The following KDM2B variants were observed in gnomAD, a reference collection of about 807,000 sequenced individuals.
The protein encoded by KDM2B is lysine-specific demethylase 2B.
Under a neutral mutation model 150.0 loss-of-function variants are expected in KDM2B, and 26 were observed. The ratio of observed to expected loss-of-function variants is 0.17; its 90% CI spans 0.13 to 0.24. KDM2B has a LOEUF of 0.24. KDM2B is among the 10% of genes least tolerant of loss of function. KDM2B has a pLI of 1.00. For missense variants in KDM2B, 1,265 were observed against 1,816.9 expected (o/e 0.70, Z 5.52); for synonymous variants, 734 against 729.5 (o/e 1.01, Z -0.10).
intron 6 of KDM2B, among the ~76,000 whole-genome samples, chr12:121,547,609 G>T (rs1179133011): frequency 2.0e-5 from 3 of 151,556 alleles, no homozygotes; most frequent in African/African-American, 7.3e-5. Context: ...CAGAGCAATG[G>T]CCCTGCCTGG....
At chr12:121,540,459 A>C (rs1888518638) in intron 6 of KDM2B, among the ~76,000 whole-genome samples, 1 of 152,106 alleles carries the variant, frequency 6.6e-6, no homozygotes, top group Non-Finnish European at 1.5e-5. Context: ...TGAAAAGTAG[A>C]GGATGAGGGC....
intron 12 of KDM2B, among the ~76,000 whole-genome samples, chr12:121,487,271 T>G (rs1032578178): frequency 1.4e-4 from 21 of 152,212 alleles, no homozygotes; most frequent in African/African-American, 4.8e-4. Flanking sequence ...ACAACATTAT[T>G]TAGAAGCAGC....
In KDM2B at chr12:121,557,363, G is replaced by A. The variant is rs577278320; in HGVS notation, c.398-7725C>T. 5.9e-4 allele frequency among the ~76,000 whole-genome samples: 88 copies of A among 149,156 alleles called. 1 individual carries two copies. Among genetic ancestry groups the A allele is most frequent in the Admixed American group, 6.2e-4 (9 of 14,620 alleles). On this transcript the variant is annotated intron_variant, in intron 4 of 22. Transcript: ENST00000377071. The stretch of plus-strand genomic sequence containing the variant: ...AGCGATTCTCCTGCCTCAACCTCCC[G>A]ATTAGCTGGGATTACAGGCGCCTAC...
intron 22 of KDM2B, among the ~76,000 whole-genome samples, chr12:121,438,830 T>TA (rs782041300): frequency 2.5e-3 from 338 of 137,698 alleles, no homozygotes; most frequent in Middle Eastern, 0.011. Context: ...TTTCTAAGGG[T>TA]AAAAAAAAAA....
chr12:121,445,285 C>G lies in KDM2B; in HGVS notation c.2093G>C (p.Gly698Ala), dbSNP rs1555289912. ...CACTGGGCCACTCACCTTAAGGCAT[C>G]CAGGGTGGATGATTTCATTGCAGAT... ...CSICNEIIHP[G>A]CLKIKESEGV... is the part of the protein sequence containing the mutation. Residue 698 changes from glycine (G) to alanine (A), a missense_variant, in exon 14 of 23, where the codon GGA (glycine) becomes GCA (alanine). Physicochemically the swap from Gly to Ala is moderately conservative, Grantham distance 60. Transcript: ENST00000377071. The G allele has an allele frequency of 6.2e-7, 1 of 1,613,950 alleles. No homozygotes were observed. The highest frequency in any genetic ancestry group is 1.7e-5 in the Admixed American group (1 of 60,022).
intron 9 of KDM2B, among the ~76,000 whole-genome samples, chr12:121,514,650 A>ATGCGAACTCAGGGAGTTGG (rs1885879988): frequency 6.6e-6 from 1 of 151,274 alleles, no homozygotes; most frequent in African/African-American, 2.4e-5. Context: ...CCCTGATCCT[A>ATGCGAACTCAGGGAGTTGG]TGCGAACTCA....
the KDM2B span, chr12:121,423,307 G>A: frequency 2.6e-6 from 3 of 1,169,192 alleles, no homozygotes; most frequent in Non-Finnish European, 2.4e-6. The surrounding 1 kb of genome is among the most constrained non-coding windows in gnomAD (Gnocchi z 4.3). Context: ...GCAGGTGGCT[G>A]CTCAGCTTCG....
chr12:121,562,617 C>T (rs1218930303), intron 4 of KDM2B, among the ~76,000 whole-genome samples: 1 of 150,896 alleles, frequency 6.6e-6, no homozygotes, highest in African/African-American at 2.4e-5. Flanking sequence ...ACCATACAGA[C>T]ACCCAGTAAA....
chr12:121,436,500 G>A (rs533620006), intron 22 of KDM2B, among the ~76,000 whole-genome samples: 10 of 146,700 alleles, frequency 6.8e-5, no homozygotes, highest in Middle Eastern at 3.5e-3. Flanking sequence ...CAGCCTGGGC[G>A]ACAGAGTGAG....
At chr12:121,494,744 C>T (rs1009469490) in intron 11 of KDM2B, 79 bp from the exon 12 acceptor site, 2 of 1,061,344 alleles carry the variant, frequency 1.9e-6, no homozygotes, top group African/African-American at 1.6e-5. Context: ...AGACATAGTC[C>T]AGCAAGGATC....
intron 4 of KDM2B, among the ~76,000 whole-genome samples, chr12:121,551,989 C>T (rs1173794405): frequency 1.1e-4 from 16 of 152,190 alleles, no homozygotes; most frequent in Non-Finnish European, 2.2e-4. Flanking sequence ...CTAAATTTCA[C>T]AGCAACCTGG....
At chr12:121,456,732 A>G (rs1308582648) in intron 12 of KDM2B, among the ~76,000 whole-genome samples, 2 of 152,164 alleles carry the variant, frequency 1.3e-5, no homozygotes, top group Non-Finnish European at 2.9e-5. Flanking sequence ...CTGCAAAACA[A>G]GCCCATTTGC....
In KDM2B at chr12:121,525,107, T is replaced by C. The variant is rs781877386; in HGVS notation, c.932-4007A>G. ...CCCTGGCTTCTTTCACCGACATCAG[T>C]GAACTCCCTGCGCCGGGCCAGGATC... On this transcript the variant is annotated intron_variant, in intron 8 of 22. Coordinates refer to ENST00000377071, the MANE Select transcript of KDM2B (RefSeq NM_032590.5). 3.9e-5 allele frequency among the ~76,000 whole-genome samples: 6 copies of C among 152,284 alleles called. 1 individual carries two copies. The South Asian group carries it at 8.3e-4, about 21-fold the overall frequency.
chr12:121,443,455 C>A (rs1593752928), intron 17 of KDM2B: 6 of 594,504 alleles, frequency 1.0e-5, no homozygotes, highest in East Asian at 2.8e-5. Context: ...CCAGGCTCCT[C>A]AGAGGTTCCC....
chr12:121,574,721 G>T, intron 3 of KDM2B, 128 bp from the exon 4 acceptor site: 1 of 792,402 alleles, frequency 1.3e-6, no homozygotes, highest in Non-Finnish European at 2.1e-6. Context: ...CTCAAAATGA[G>T]AACATCCAGA....
Position 121,441,421 on chromosome 12 carries a change from GCCT to G in KDM2B, c.3285-191_3285-189del, listed in dbSNP as rs373925468. Among the ~76,000 whole-genome samples the G allele has an allele frequency of 4.3e-4, 65 of 152,168 alleles. 1 individual carries two copies. In the East Asian group the frequency reaches 4.8e-3, roughly 11 times the overall value. On this transcript the variant is annotated intron_variant, in intron 19 of 22. Transcript: ENST00000377071. ...CCTCCCACCTGCTCTAACAGCCATG[GCCT>G]CCACTCTCCATCAAGTATGTATGTA...
intron 13 of KDM2B, among the ~76,000 whole-genome samples, chr12:121,447,532 C>G (rs1022693761): frequency 1.3e-5 from 2 of 152,058 alleles, no homozygotes; most frequent in Non-Finnish European, 2.9e-5. Flanking sequence ...CGTAAACCAC[C>G]GCACCCGGCA....
At position 121,478,866 on chromosome 12, in the gene KDM2B, T is replaced by TTGTG. The variant is rs71874668; in HGVS notation, c.1734+15709_1734+15712dup. On this transcript the variant is annotated intron_variant, in intron 12 of 22. Coordinates refer to ENST00000377071, the MANE Select transcript of KDM2B (RefSeq NM_032590.5). ...CCACAACCGGCTAATTTTTGTTTGT[T>TTGTG]TGTGTGTGTGTGTGTGTGTGTGTGT... Among the ~76,000 whole-genome samples the TTGTG allele has an allele frequency of 2.2e-3, 295 of 131,214 alleles. 11 individuals are homozygous for TTGTG. Among genetic ancestry groups the TTGTG allele is most frequent in the Admixed American group, 2.4e-3 (28 of 11,788 alleles). The allele number at this position is 131,214 out of a possible 152,430, so 86.1% of individuals were successfully genotyped here. A position where few individuals can be genotyped will look rare whatever the true frequency, so the allele number is the denominator to read the frequency against.
chr12:121,546,379 C>CTTTTTTTTTTTTTTTTTTTTTTTTTTTTT (rs371614406), intron 6 of KDM2B, among the ~76,000 whole-genome samples: 1 of 97,478 alleles, frequency 1.0e-5, no homozygotes, highest in Admixed American at 1.4e-4. Flanking sequence ...TTTTTTTTGC[C>CTTTTTTTTTTTTTTTTTTTTTTTTTTTTT]TTTTTTTTTT....
Sources: gnomAD v4.1 joint callset for allele counts (sites outside exome capture counted in the v4.1 genomes callset) on GRCh38, gnomAD v4.1.1 for gene constraint, Gnocchi (gnomAD v3.1) non-coding constraint, MANE v1.5 for transcripts, NCBI Gene and HGNC (gene_info 2026-07-23, HGNC 2026-07-21) for gene names.